The following HS3ST5 variants were observed in gnomAD, a reference collection of about 807,000 sequenced individuals.
HS3ST5 encodes the protein heparan sulfate-glucosamine 3-sulfotransferase 5, also known as heparan sulfate glucosamine 3-O-sulfotransferase 5.
Under a neutral mutation model 25.4 loss-of-function variants are expected in HS3ST5, and 10 were observed. That is an observed-to-expected ratio of 0.39 (90% CI 0.24 to 0.67). HS3ST5 has a LOEUF of 0.67. HS3ST5 is among the 30% of genes least tolerant of loss of function. HS3ST5 has a pLI of 0.44. For synonymous variants in HS3ST5, 170 were observed against 162.4 expected (o/e 1.05, Z -0.36); for missense variants, 324 against 420.7 (o/e 0.77, Z 2.01).
At chr6:114,105,849 T>C (rs1402964795) in intron 3 of HS3ST5, among the ~76,000 whole-genome samples, 1 of 152,186 alleles carries the variant, frequency 6.6e-6, no homozygotes, top group Non-Finnish European at 1.5e-5. Context: ...GTAATATTCT[T>C]TTTGTCTCAC....
intron 4 of HS3ST5, chr6:114,058,807 A>G (rs1772926618): frequency 6.7e-6 from 1 of 149,082 alleles, no homozygotes; most frequent in Non-Finnish European, 1.5e-5. Flanking sequence ...GAAGAATACT[A>G]TATTTCTTCT....
chr6:114,176,492 T>TAATC (rs764610352), intron 2 of HS3ST5, among the ~76,000 whole-genome samples: 31 of 152,234 alleles, frequency 2.0e-4, no homozygotes, highest in Non-Finnish European at 3.8e-4. Context: ...TTTTTATCTC[T>TAATC]AATCAGAGCC....
At chr6:114,082,691 T>C (rs1382767489) in intron 3 of HS3ST5, among the ~76,000 whole-genome samples, 1 of 152,224 alleles carries the variant, frequency 6.6e-6, no homozygotes, top group Non-Finnish European at 1.5e-5. Context: ...ATAATCAATA[T>C]GTCAGTATGT....
Position 114,203,804 on chromosome 6 carries a change from G to A in HS3ST5, c.-145+24781C>T, listed in dbSNP as rs192346668. ...CTCCGAGCTTTTGGGAGGCAGATTT[G>A]AGAAATGTCTCCTGTCCTGCATGGC... On this transcript the variant is annotated intron_variant, in intron 2 of 4. Transcript: ENST00000312719. Among the ~76,000 whole-genome samples, 5 of 152,270 alleles carry A rather than the reference G, an allele frequency of 3.3e-5. No individual in the cohort carries two copies. The East Asian group carries it at 5.8e-4, about 18-fold the overall frequency.
At chr6:114,096,804 G>A (rs1441166597) in intron 3 of HS3ST5, among the ~76,000 whole-genome samples, 2 of 141,660 alleles carry the variant, frequency 1.4e-5, no homozygotes, top group Non-Finnish European at 3.3e-5. Context: ...TATCACAGCA[G>A]GGGTAATAGA....
At chr6:114,242,854 C>T (rs1294535350) in intron 1 of HS3ST5, among the ~76,000 whole-genome samples, 6 of 127,690 alleles carry the variant, frequency 4.7e-5, no homozygotes, top group East Asian at 4.7e-4. Flanking sequence ...AGCGAGACTC[C>T]GTCTCAAAAA....
chr6:114,082,786 A>C (rs1020820715), intron 3 of HS3ST5, among the ~76,000 whole-genome samples: 3 of 152,152 alleles, frequency 2.0e-5, no homozygotes, highest in African/African-American at 7.2e-5. Flanking sequence ...ACTCATTCCA[A>C]TTACCTGCTC....
At chr6:114,140,865 T>A (rs926588087) in intron 3 of HS3ST5, among the ~76,000 whole-genome samples, 2 of 151,920 alleles carry the variant, frequency 1.3e-5, no homozygotes, top group Non-Finnish European at 2.9e-5. Context: ...GTTATGTAAT[T>A]TTTTTTTAGC....
intron 1 of HS3ST5, among the ~76,000 whole-genome samples, chr6:114,271,424 C>T (rs1474327900): frequency 6.6e-6 from 1 of 151,832 alleles, no homozygotes; most frequent in Non-Finnish European, 1.5e-5. Context: ...GAGTAGAAAT[C>T]AAACAGCTCT....
intron 3 of HS3ST5, among the ~76,000 whole-genome samples, chr6:114,105,697 AAT>A (rs1245868233): frequency 1.3e-5 from 2 of 152,076 alleles, no homozygotes; most frequent in Non-Finnish European, 2.9e-5. Flanking sequence ...GTGCACTATA[AAT>A]TTGCTATAAT....
intron 1 of HS3ST5, among the ~76,000 whole-genome samples, chr6:114,283,071 G>C (rs1774191245): frequency 6.6e-6 from 1 of 151,834 alleles, no homozygotes; most frequent in African/African-American, 2.4e-5. Flanking sequence ...AAGCTACAGG[G>C]AGAGAAAGAC....
Position 114,135,417 on chromosome 6 carries a change from A to T in HS3ST5, c.-33+32934T>A, listed in dbSNP as rs992609793. On this transcript the variant is annotated intron_variant, in intron 3 of 4. Coordinates refer to ENST00000312719, the MANE Select transcript of HS3ST5 (RefSeq NM_153612.4). ...TTAGCACTCCCCAGGCAGGGAAAAA[A>T]CCAAGAGGTAGATGAGGATGTGAAT... 3.9e-5 allele frequency among the ~76,000 whole-genome samples: 6 copies of T among 152,312 alleles called. No individual in the cohort carries two copies. The South Asian group carries it at 1.2e-3, about 32-fold the overall frequency.
At chr6:114,301,265 A>G (rs1396701777) in intron 1 of HS3ST5, among the ~76,000 whole-genome samples, 1 of 152,190 alleles carries the variant, frequency 6.6e-6, no homozygotes, top group African/African-American at 2.4e-5. Flanking sequence ...TAATAAGTTC[A>G]TTTTTAGTTC....
At chr6:114,207,614 C>T (rs1275512196) in intron 2 of HS3ST5, among the ~76,000 whole-genome samples, 2 of 151,814 alleles carry the variant, frequency 1.3e-5, no homozygotes, top group Non-Finnish European at 2.9e-5. Context: ...AACTCAGGCT[C>T]TCTCTCTCAC....
chr6:114,241,674 A>G (rs1772134382), intron 1 of HS3ST5, among the ~76,000 whole-genome samples: 1 of 152,156 alleles, frequency 6.6e-6, no homozygotes, highest in Non-Finnish European at 1.5e-5. Flanking sequence ...ATGACTTTTT[A>G]TAAGAGATTT....
intron 3 of HS3ST5, among the ~76,000 whole-genome samples, chr6:114,093,080 G>A (rs1775217197): frequency 1.3e-5 from 2 of 152,114 alleles, no homozygotes; most frequent in African/African-American, 2.4e-5. Flanking sequence ...TCAGGATTGT[G>A]GAAGTTCAAT....
chr6:114,340,485 CTA>C (rs1375104927), intron 1 of HS3ST5: 4 of 152,184 alleles, frequency 2.6e-5, no homozygotes, highest in Non-Finnish European at 5.9e-5. Flanking sequence ...CTTCCCATTG[CTA>C]TGTGTCTTGT....
At chr6:114,127,876 T>TTA (rs1279791711) in intron 3 of HS3ST5, among the ~76,000 whole-genome samples, 4 of 128,618 alleles carry the variant, frequency 3.1e-5, no homozygotes, top group African/African-American at 8.6e-5. Flanking sequence ...AGAGAGAGAC[T>TTA]TATATATAGA....
At chr6:114,253,798 C>A (rs1425844170) in intron 1 of HS3ST5, among the ~76,000 whole-genome samples, 1 of 152,100 alleles carries the variant, frequency 6.6e-6, no homozygotes, top group Non-Finnish European at 1.5e-5. Flanking sequence ...CTATTTTTTT[C>A]TCCCTGTGTT....
Sources: gnomAD v4.1 joint callset for allele counts (sites outside exome capture counted in the v4.1 genomes callset) on GRCh38, gnomAD v4.1.1 for gene constraint, MANE v1.5 for transcripts, NCBI Gene and HGNC (gene_info 2026-07-23, HGNC 2026-07-21) for gene names.